KSR2: variants seen among roughly 807,000 people sequenced by gnomAD.
KSR2 encodes the protein kinase suppressor of ras 2.
KSR2 carries 25 observed loss-of-function variants against 107.8 expected under a neutral mutation model. The ratio of observed to expected loss-of-function variants is 0.23; its 90% CI spans 0.17 to 0.32. KSR2 has a LOEUF of 0.32. Among genes scored for constraint, KSR2 ranks in the 10% least tolerant of loss-of-function variants. The pLI is 1.00. For missense variants in KSR2, 887 were observed against 1,268.9 expected (o/e 0.70, Z 4.57); for synonymous variants, 480 against 507.0 (o/e 0.95, Z 0.71).
intron 9 of KSR2, among the ~76,000 whole-genome samples, chr12:117,550,323 C>T (rs548859221): frequency 6.6e-6 from 1 of 152,136 alleles, no homozygotes; most frequent in Non-Finnish European, 1.5e-5. Flanking sequence ...CGTTCATCAC[C>T]CAGGTTTCCA....
chr12:117,470,229 C>T (rs910375284), intron 18 of KSR2, among the ~76,000 whole-genome samples: 4 of 120,626 alleles, frequency 3.3e-5, no homozygotes, highest in South Asian at 2.9e-4. Flanking sequence ...TCCATCCATC[C>T]GGCATGTATC....
At position 117,454,081 on chromosome 12, in the gene KSR2, TC is replaced by T. The variant is rs1870473961; in HGVS notation, c.*13117del. On this transcript the variant is annotated 3_prime_UTR_variant, in exon 20 of 20. Transcript: ENST00000339824. ...TCTAGTCCCTTATTTTTCAGGAATG[TC>T]CCCCTAGAGGTGGGATTCTGGGGGA... is the stretch of plus-strand genomic sequence containing the variant. 1 of 152,118 alleles carries T rather than the reference TC, an allele frequency of 6.6e-6. No homozygotes were observed. The highest frequency in any genetic ancestry group is 2.4e-5 in the African/African-American group (1 of 41,414). 9.4% of individuals were successfully genotyped at this position (152,118 alleles called of 1,614,324 possible). A position where few individuals can be genotyped will look rare whatever the true frequency, so the allele number is the denominator to read the frequency against.
At chr12:117,557,774 C>T (rs928942178) in intron 8 of KSR2, among the ~76,000 whole-genome samples, 5 of 152,108 alleles carry the variant, frequency 3.3e-5, no homozygotes, top group Non-Finnish European at 4.4e-5. Flanking sequence ...GAAAGTCCCT[C>T]GGAGATAAAT....
Position 117,633,392 on chromosome 12 carries a change from C to A in KSR2, c.1171+34082G>T, listed in dbSNP as rs368801521. On this transcript the variant is annotated intron_variant, in intron 5 of 19. Coordinates refer to ENST00000339824, the MANE Select transcript of KSR2 (RefSeq NM_173598.6). Reference sequence around the variant, plus strand: ...CCACCAGGAACAGGTGTGCGGGTTGCGCCTTGCCCAAGGGCTCCTGGGTCA... The same window carrying A: ...CCACCAGGAACAGGTGTGCGGGTTGAGCCTTGCCCAAGGGCTCCTGGGTCA... Among the ~76,000 whole-genome samples the A allele has an allele frequency of 2.1e-3, 316 of 152,332 alleles. 20 individuals carry two copies. In the South Asian group the frequency reaches 0.063, roughly 30 times the overall value.
At chr12:117,600,510 C>T (rs1219480421) in intron 5 of KSR2, among the ~76,000 whole-genome samples, 2 of 152,188 alleles carry the variant, frequency 1.3e-5, no homozygotes, top group Admixed American at 1.3e-4. Context: ...GGAACACAGC[C>T]TAATGATGGA....
intron 2 of KSR2, among the ~76,000 whole-genome samples, chr12:117,859,139 C>CTTTTT (rs34697963): frequency 1.2e-4 from 10 of 81,086 alleles, no homozygotes; most frequent in Admixed American, 1.6e-4. Flanking sequence ...ATGAGCTGAA[C>CTTTTT]TTTTTTTTTT....
At chr12:117,794,826 G>T (rs1386077316) in intron 3 of KSR2, among the ~76,000 whole-genome samples, 6 of 136,144 alleles carry the variant, frequency 4.4e-5, no homozygotes, top group African/African-American at 1.8e-4. Flanking sequence ...CTTTAATCAA[G>T]GGGGAGAAAA....
chr12:117,906,209 C>T (rs914913963), intron 1 of KSR2, among the ~76,000 whole-genome samples: 6 of 151,856 alleles, frequency 4.0e-5, no homozygotes, highest in African/African-American at 1.2e-4. Context: ...AAAAATTAAC[C>T]AGGCATGGTG....
intron 1 of KSR2, among the ~76,000 whole-genome samples, chr12:117,917,412 C>T (rs1481198242): frequency 6.6e-6 from 1 of 151,834 alleles, no homozygotes; most frequent in African/African-American, 2.4e-5. Context: ...TGTGGTGGTG[C>T]ATGCCTGTAG....
intron 4 of KSR2, among the ~76,000 whole-genome samples, chr12:117,760,550 G>A (rs1218924970): frequency 6.6e-6 from 1 of 152,158 alleles, no homozygotes; most frequent in Non-Finnish European, 1.5e-5. Flanking sequence ...CTAGAAAGTT[G>A]AAGGTTAATA....
rs1348983048 is a variant in KSR2, at chr12:117,506,562, G to A, written c.2219+18290C>T. Among the ~76,000 whole-genome samples, 3 of 152,304 alleles carry A rather than the reference G, an allele frequency of 2.0e-5. No homozygotes were observed. In the East Asian group the frequency reaches 5.8e-4, roughly 29 times the overall value. ...CAGAAGAGTTTTGGGTCATCCACAA[G>A]CCTGACTGTTTCCTCCCAGCATAGC... On this transcript the variant is annotated intron_variant, in intron 14 of 19. Coordinates refer to ENST00000339824, the MANE Select transcript of KSR2 (RefSeq NM_173598.6).
At chr12:117,690,763 A>AAAC (rs748645028) in intron 4 of KSR2, among the ~76,000 whole-genome samples, 1 of 152,164 alleles carries the variant, frequency 6.6e-6, no homozygotes, top group Non-Finnish European at 1.5e-5. Context: ...GTGACCTTAA[A>AAAC]AACAACAACA....
intron 3 of KSR2, among the ~76,000 whole-genome samples, chr12:117,835,929 T>A (rs925297208): frequency 2.0e-5 from 3 of 151,880 alleles, no homozygotes; most frequent in East Asian, 1.9e-4. Flanking sequence ...GCACTGTTGT[T>A]AAGCAAGGCC....
chr12:117,759,128 A>G (rs945747272), intron 4 of KSR2, among the ~76,000 whole-genome samples: 1 of 152,210 alleles, frequency 6.6e-6, no homozygotes, highest in African/African-American at 2.4e-5. Context: ...CAGCTTAAAT[A>G]TGACTGTTGT....
At chr12:117,583,405 GTGGATGGATGGATGGATGGATGGA>G (rs369518226) in intron 5 of KSR2, among the ~76,000 whole-genome samples, 24 of 127,162 alleles carry the variant, frequency 1.9e-4, no homozygotes, top group Middle Eastern at 4.1e-3. Context: ...GGGTGAGTGA[GTGGATGGATGGATGGATGGATGGA>G]TGGATGGATG....
intron 1 of KSR2, among the ~76,000 whole-genome samples, chr12:117,936,988 C>T (rs1386114375): frequency 2.6e-5 from 4 of 152,182 alleles, no homozygotes; most frequent in African/African-American, 9.7e-5. Flanking sequence ...TCCATCTGCC[C>T]CCAGCCTCAA....
intron 1 of KSR2, among the ~76,000 whole-genome samples, chr12:117,909,419 C>T (rs1894949949): frequency 1.3e-5 from 2 of 152,138 alleles, no homozygotes; most frequent in Non-Finnish European, 2.9e-5. Flanking sequence ...CCACGGCCCC[C>T]CAACTATTAT....
intron 5 of KSR2, among the ~76,000 whole-genome samples, chr12:117,656,975 TA>T (rs1884193155): frequency 6.7e-5 from 6 of 89,986 alleles, no homozygotes; most frequent in Non-Finnish European, 6.4e-5. Context: ...TATATATATA[TA>T]ATAGGATATA....
At chr12:117,541,882 T>C (rs1876517597) in intron 9 of KSR2, among the ~76,000 whole-genome samples, 1 of 152,068 alleles carries the variant, frequency 6.6e-6, no homozygotes, top group Non-Finnish European at 1.5e-5. Context: ...ATTTTATTTT[T>C]ATTTATTTAT....
Sources: gnomAD v4.1 joint callset for allele counts (sites outside exome capture counted in the v4.1 genomes callset) on GRCh38, gnomAD v4.1.1 for gene constraint, MANE v1.5 for transcripts, NCBI Gene and HGNC (gene_info 2026-07-23, HGNC 2026-07-21) for gene names.